Variants in BOD1L1 observed in about 807,000 individuals in gnomAD.
BOD1L1 encodes the protein biorientation of chromosomes in cell division 1 like 1.
BOD1L1 carries 86 observed loss-of-function variants against 240.7 expected under a neutral mutation model. The ratio of observed to expected loss-of-function variants is 0.36; its 90% CI spans 0.30 to 0.43. The LOEUF (loss-of-function observed/expected upper bound fraction) is 0.43. BOD1L1 is among the 20% of genes least tolerant of loss of function. The pLI is 1.00. For missense variants in BOD1L1, 3,554 were observed against 3,643.5 expected, an observed-to-expected ratio of 0.98 and a Z score of 0.63; for synonymous variants, 1,268 against 1,272.3, an observed-to-expected ratio of 1.00 and a Z score of 0.07.
intron 24 of BOD1L1, among the ~76,000 whole-genome samples, 170 bp downstream of exon 24, chr4:13,577,233 A>G (rs913085620): frequency 6.6e-6 from 1 of 152,204 alleles, no homozygotes; most frequent in African/African-American, 2.4e-5. Context: ...TGTACTCAGA[A>G]AAGCATCTGG....
intron 17 of BOD1L1, among the ~76,000 whole-genome samples, chr4:13,586,170 T>C (rs1259486970): frequency 1.3e-5 from 2 of 152,212 alleles, no homozygotes; most frequent in African/African-American, 4.8e-5. Context: ...TATATCTAAA[T>C]TGTAATAATT....
In BOD1L1 at chr4:13,576,906, CTCTTCCTCA is replaced by C. The variant is rs1168495652; in HGVS notation, c.8961_8969del (p.Asp2987_Glu2989del). 1 of 1,613,682 alleles carries C rather than the reference CTCTTCCTCA, an allele frequency of 6.2e-7. No individual in the cohort carries two copies. The highest frequency in any genetic ancestry group is 1.3e-5 in the African/African-American group (1 of 74,930). On this transcript the variant is annotated inframe_deletion, in exon 25 of 26. Transcript: ENST00000040738. ...AAGGCTCGTCCTCTTCCTCTTCTTC[CTCTTCCTCA>C]TCAGACTCCTGCTCTTTCTTGTCCT...
Position 13,569,532 on chromosome 4 carries a change from A to T in BOD1L1, c.*479T>A, listed in dbSNP as rs1577296923. The T allele has an allele frequency of 6.6e-6, 1 of 152,264 alleles. No individual in the cohort carries two copies. The highest frequency in any genetic ancestry group is 3.4e-3 in the Middle Eastern group (1 of 294). The allele number at this position is 152,264 out of a possible 1,614,324, so 9.4% of individuals were successfully genotyped here. On this transcript the variant is annotated 3_prime_UTR_variant, in exon 26 of 26. Transcript: ENST00000040738. ...AACCCTTTTTATTTAAAAAAAAAAT[A>T]AAGTAAAATAAACAGATATATAGTA... is the stretch of plus-strand genomic sequence containing the variant.
intron 10 of BOD1L1, among the ~76,000 whole-genome samples, chr4:13,598,388 T>C (rs1280159305): frequency 1.3e-5 from 2 of 152,026 alleles, no homozygotes; most frequent in African/African-American, 4.8e-5. Flanking sequence ...CAGATGAGGG[T>C]TGGAATCGTG....
chr4:13,603,770 C>A lies in BOD1L1; in HGVS notation c.3130G>T (p.Asp1044Tyr), dbSNP rs754979861. Residue 1044 changes from aspartate (D) to tyrosine (Y), a missense_variant, in exon 10 of 26, where the codon GAT (aspartate) becomes TAT (tyrosine). By Grantham distance (160) the Asp-to-Tyr change is radical. Around this residue, in one of 2 missense-constraint regions of BOD1L1, gnomAD observed 3,393 missense variants for 3,427.1 expected, o/e 0.99. Coordinates refer to ENST00000040738, the MANE Select transcript of BOD1L1 (RefSeq NM_148894.3). ...KKDENKSDDKDGKEVDSSHEK... is the reference protein window; with the variant it reads ...KKDENKSDDKYGKEVDSSHEK... ...TGACTACTGTCAACTTCTTTACCAT[C>A]CTTGTCATCTGATTTATTTTCGTCC... The A allele has an allele frequency of 1.2e-6, 2 of 1,613,508 alleles. No homozygotes were observed. Among genetic ancestry groups the A allele is most frequent in the African/African-American group, 2.7e-5 (2 of 74,846 alleles).
At chr4:13,611,704 G>C (rs767238023) in intron 5 of BOD1L1, among the ~76,000 whole-genome samples, 1 of 152,182 alleles carries the variant, frequency 6.6e-6, no homozygotes, top group Non-Finnish European at 1.5e-5. Context: ...GAGTTCTCTT[G>C]ACAAACAATT....
At chr4:13,583,516 T>C (rs758414893) in intron 17 of BOD1L1, among the ~76,000 whole-genome samples, 1 of 152,196 alleles carries the variant, frequency 6.6e-6, no homozygotes, top group Non-Finnish European at 1.5e-5. Context: ...GGTTTTGATA[T>C]AGCCTTTCAG....
chr4:13,602,220 AT>A lies in BOD1L1; in HGVS notation c.4679del (p.Asp1560ValfsTer5). The A allele has an allele frequency of 6.2e-7, 1 of 1,613,778 alleles. No homozygotes were observed. The highest frequency in any genetic ancestry group is 8.5e-7 in the Non-Finnish European group (1 of 1,179,770). The part of the protein sequence containing the change: ...VALPCTSIEA[D>X]EGLIIGTHSR... ...AATGTGTTCCTATTATGAGGCCTTCATCTGCCTCAATGCTGGTGCAAGGCAA... is the reference window on the plus strand; with the variant it reads ...AATGTGTTCCTATTATGAGGCCTTCACTGCCTCAATGCTGGTGCAAGGCAA... On this transcript the variant is annotated frameshift_variant, in exon 10 of 26. Coordinates refer to ENST00000040738, the MANE Select transcript of BOD1L1 (RefSeq NM_148894.3). LOFTEE classifies it high-confidence loss of function.
chr4:13,589,633 G>C (rs1484432909), intron 14 of BOD1L1, among the ~76,000 whole-genome samples: 2 of 152,146 alleles, frequency 1.3e-5, no homozygotes, highest in African/African-American at 2.4e-5. Flanking sequence ...GTTCCTTTTG[G>C]AGTGGGATTA....
At position 13,599,335 on chromosome 4, in the gene BOD1L1, C is replaced by T. The variant is rs199837298; in HGVS notation, c.7565G>A (p.Ser2522Asn). 12 of 1,613,806 alleles carry T rather than the reference C, an allele frequency of 7.4e-6. No homozygotes were observed. The highest frequency in any genetic ancestry group is 2.7e-5 in the African/African-American group (2 of 74,904). The change falls in exon 10 of 26, where the codon AGC becomes AAC. Residue 2522 changes from serine to asparagine, a missense_variant. Ser to Asn is a conservative substitution (Grantham distance 46). This residue lies in a region of BOD1L1 where 3,393 missense variants were observed against 3,427.1 expected (regional missense o/e 0.99). Transcript: ENST00000040738. ...SGQTAKDPSV[S>N]IRYLAAVNTG... is the part of the protein sequence containing the mutation. ...GTTTACTGCTGCCAAATAGCGAATGCTGACAGAGGGATCCTTAGCCGTCTG... is the reference window on the plus strand; with the variant it reads ...GTTTACTGCTGCCAAATAGCGAATGTTGACAGAGGGATCCTTAGCCGTCTG...
At chr4:13,621,019 C>T (rs991858317) in intron 1 of BOD1L1, among the ~76,000 whole-genome samples, 14 of 152,158 alleles carry the variant, frequency 9.2e-5, no homozygotes, top group Admixed American at 9.2e-4. Flanking sequence ...TACTGAAGAT[C>T]CTACAATGCA....
chr4:13,606,058 T>A (rs901468261), intron 9 of BOD1L1, among the ~76,000 whole-genome samples: 1 of 152,192 alleles, frequency 6.6e-6, no homozygotes, highest in African/African-American at 2.4e-5. Flanking sequence ...TTTGTGCCTC[T>A]AGGTCAGTTT....
chr4:13,612,733 CTT>C lies in BOD1L1; in HGVS notation c.1324+777_1324+778del, dbSNP rs140753494. Among the ~76,000 whole-genome samples the C allele has an allele frequency of 1.7e-4, 26 of 152,242 alleles. No individual in the cohort carries two copies. In the East Asian group the frequency reaches 5.0e-3, roughly 29 times the overall value. On this transcript the variant is annotated intron_variant, in intron 5 of 25. Coordinates refer to ENST00000040738, the MANE Select transcript of BOD1L1 (RefSeq NM_148894.3). Reference sequence around the variant, plus strand: ...TGGAGTGTTTCAGAGTGCGAAGGCTCTTGAGTCAAGCTAAACAGTCTAACGAT... The same window carrying C: ...TGGAGTGTTTCAGAGTGCGAAGGCTCGAGTCAAGCTAAACAGTCTAACGAT...
At chr4:13,591,862 C>CA in intron 13 of BOD1L1, 61 bp downstream of exon 13, 9 of 1,362,614 alleles carry the variant, frequency 6.6e-6, no homozygotes, top group Admixed American at 2.6e-5. Context: ...AATAGCTCTC[C>CA]AAAAAAATAA....
rs1042693464 is a variant in BOD1L1 at position 13,622,089 on chromosome 4, T to C, written c.244-2022A>G. Reference sequence around the variant, plus strand: ...TATATTGGCCATGTTGGTCTTGAACTCCTAACCTCAAGTGATCCACCTTTC... The same window carrying C: ...TATATTGGCCATGTTGGTCTTGAACCCCTAACCTCAAGTGATCCACCTTTC... On this transcript the variant is annotated intron_variant, in intron 1 of 25. Transcript: ENST00000040738. Among the ~76,000 whole-genome samples, 22 of 152,188 alleles carry C rather than the reference T, an allele frequency of 1.4e-4. No homozygotes were observed. In the South Asian group the frequency reaches 2.3e-3, roughly 16 times the overall value.
chr4:13,604,704 T>A lies in BOD1L1; in HGVS notation c.2196A>T (p.Lys732Asn). The change falls in exon 10 of 26, where the codon AAA becomes AAT. Residue 732 changes from lysine (K) to asparagine (N), a missense_variant. Physicochemically the swap from Lys to Asn is moderately conservative, Grantham distance 94 (BLOSUM62 0). Transcript: ENST00000040738. ...KSSKEKPEREKTPSEDKLSVK... is the reference protein window; with the variant it reads ...KSSKEKPERENTPSEDKLSVK... Reference sequence around the variant, plus strand: ...CAGACAATTTGTCTTCCGATGGAGTTTTCTCTCTTTCAGGCTTCTCCTTGG... The same window carrying A: ...CAGACAATTTGTCTTCCGATGGAGTATTCTCTCTTTCAGGCTTCTCCTTGG... 1 of 1,597,000 alleles carries A rather than the reference T, an allele frequency of 6.3e-7. No individual in the cohort carries two copies. The highest frequency in any genetic ancestry group is 1.8e-5 in the Admixed American group (1 of 55,432).
chr4:13,577,777 G>C (rs1293558362), intron 22 of BOD1L1, 146 bp from the exon 23 acceptor site: 2 of 612,080 alleles, frequency 3.3e-6, no homozygotes, highest in Non-Finnish European at 5.7e-6. Context: ...AGCAAAGATA[G>C]AATCAGAATA....
chr4:13,618,738 G>A (rs773936465), intron 2 of BOD1L1, among the ~76,000 whole-genome samples: 6 of 152,140 alleles, frequency 3.9e-5, no homozygotes, highest in Non-Finnish European at 5.9e-5. Flanking sequence ...CTTTTAGTCA[G>A]GGTGTGAATT....
In BOD1L1 at chr4:13,613,680, A is replaced by G. The variant is rs777204126; in HGVS notation, c.1175-19T>C. On this transcript the variant is annotated intron_variant, in intron 4 of 25. Transcript: ENST00000040738. The surrounding 1 kb of genome is among the most constrained non-coding windows in gnomAD (Gnocchi z 4.0). ...GAGAAATCTTCAAGCGGAAAATAAA[A>G]CACAGAAAAAAAAATCATCTTATTA... 14 of 1,493,564 alleles carry G rather than the reference A, an allele frequency of 9.4e-6. No individual in the cohort carries two copies. The African/African-American group carries it at 1.7e-4, about 18-fold the overall frequency. The allele number at this position is 1,493,564 out of a possible 1,614,324, so 92.5% of individuals were successfully genotyped here. A position where few individuals can be genotyped will look rare whatever the true frequency, so the allele number is the denominator to read the frequency against.
Sources: gnomAD v4.1 joint callset for allele counts (sites outside exome capture counted in the v4.1 genomes callset) on GRCh38, gnomAD v4.1.1 for gene constraint, gnomAD v4.1.1 regional missense constraint, Gnocchi (gnomAD v3.1) non-coding constraint, MANE v1.5 for transcripts, NCBI Gene and HGNC (gene_info 2026-07-23, HGNC 2026-07-21) for gene names.